STX12: variants seen among roughly 807,000 people sequenced by gnomAD.
STX12 encodes the protein syntaxin 12, also known as syntaxin-12.
STX12 carries 17 observed loss-of-function variants against 42.2 expected under a neutral mutation model. The observed-to-expected ratio is 0.40, with a 90% CI of 0.28 to 0.60. STX12 has a LOEUF of 0.60. Among genes scored for constraint, STX12 ranks in the 20% least tolerant of loss-of-function variants. The pLI, the probability that STX12 is intolerant of heterozygous loss-of-function variation, is 0.39. For synonymous variants in STX12, 108 were observed against 116.7 expected (o/e 0.93, Z 0.48); for missense variants, 297 against 330.9 (o/e 0.90, Z 0.79).
chr1:27,778,614 T>C (rs2088643245), intron 1 of STX12, among the ~76,000 whole-genome samples: 1 of 149,812 alleles, frequency 6.7e-6, no homozygotes, highest in Non-Finnish European at 1.5e-5. Flanking sequence ...TCGCCTGAAC[T>C]GGGGAGGTGC....
At chr1:27,788,783 G>A (rs757983888) in intron 1 of STX12, among the ~76,000 whole-genome samples, 2 of 152,086 alleles carry the variant, frequency 1.3e-5, no homozygotes, top group African/African-American at 4.8e-5. Flanking sequence ...AGGCCGAGGC[G>A]AGTGGATCAC....
At chr1:27,796,745 C>A (rs545852213) in intron 3 of STX12, among the ~76,000 whole-genome samples, 4 of 151,280 alleles carry the variant, frequency 2.6e-5, no homozygotes, top group Non-Finnish European at 5.9e-5. Flanking sequence ...TCTTGTTGCC[C>A]AGGCTGGACT....
intron 6 of STX12, among the ~76,000 whole-genome samples, chr1:27,814,655 C>T (rs2088928109): frequency 6.6e-6 from 1 of 152,052 alleles, no homozygotes; most frequent in Admixed American, 6.6e-5. Context: ...TCAAGACCAG[C>T]CTGACCAACA....
chr1:27,788,428 T>A (rs954906484), intron 1 of STX12, among the ~76,000 whole-genome samples: 2 of 152,336 alleles, frequency 1.3e-5, no homozygotes, highest in South Asian at 4.1e-4. Flanking sequence ...TATTGATAGA[T>A]GATCAGTTCC....
At chr1:27,779,563 C>T (rs1234042793) in intron 1 of STX12, among the ~76,000 whole-genome samples, 1 of 152,004 alleles carries the variant, frequency 6.6e-6, no homozygotes, top group African/African-American at 2.4e-5. Context: ...AACTCCTGAC[C>T]TCAGATGATC....
chr1:27,791,582 G>A (rs2088741498), intron 2 of STX12, among the ~76,000 whole-genome samples: 1 of 152,198 alleles, frequency 6.6e-6, no homozygotes, highest in Non-Finnish European at 1.5e-5. Context: ...CTGGGAGGCC[G>A]AGGTGGGTGG....
intron 6 of STX12, among the ~76,000 whole-genome samples, chr1:27,814,529 A>G (rs932843648): frequency 1.2e-4 from 18 of 149,328 alleles, no homozygotes; most frequent in African/African-American, 4.6e-4. Flanking sequence ...CTCTGTCTCA[A>G]ATAATAATAA....
At chr1:27,798,061 G>A (rs1035913291) in intron 3 of STX12, among the ~76,000 whole-genome samples, 1 of 152,148 alleles carries the variant, frequency 6.6e-6, no homozygotes, top group East Asian at 1.9e-4. Flanking sequence ...ATAGGTCATT[G>A]TATAGATAAA....
At chr1:27,791,152 T>G (rs934600239) in intron 2 of STX12, among the ~76,000 whole-genome samples, 2 of 151,788 alleles carry the variant, frequency 1.3e-5, no homozygotes, top group Non-Finnish European at 2.9e-5. Context: ...TCCCGGCTAC[T>G]TGGGAGGCTG....
intron 1 of STX12, among the ~76,000 whole-genome samples, chr1:27,783,697 T>A (rs2088682614): frequency 6.6e-6 from 1 of 152,192 alleles, no homozygotes; most frequent in Non-Finnish European, 1.5e-5. Context: ...TCTTTACCTT[T>A]GGCCTAGTCA....
chr1:27,807,489 T>TA (rs1477714836), intron 4 of STX12, among the ~76,000 whole-genome samples: 1 of 152,198 alleles, frequency 6.6e-6, no homozygotes, highest in Non-Finnish European at 1.5e-5. Flanking sequence ...AATTACAGAT[T>TA]AAAATAACAA....
intron 1 of STX12, among the ~76,000 whole-genome samples, chr1:27,788,265 G>A (rs2088712170): frequency 6.6e-6 from 1 of 152,148 alleles, no homozygotes; most frequent in Non-Finnish European, 1.5e-5. Flanking sequence ...CAACCTCTAT[G>A]AATGAATAAA....
At chr1:27,803,636 G>A (rs1307657043) in intron 4 of STX12, among the ~76,000 whole-genome samples, 5 of 152,226 alleles carry the variant, frequency 3.3e-5, no homozygotes, top group African/African-American at 4.8e-5. Context: ...AAGTGGTAAA[G>A]ATGTGAAAAG....
intron 1 of STX12, among the ~76,000 whole-genome samples, chr1:27,780,692 C>G (rs1005022749): frequency 3.3e-5 from 5 of 152,044 alleles, no homozygotes; most frequent in African/African-American, 1.2e-4. Context: ...TGGCTCACAC[C>G]TGTAATCCCA....
chr1:27,813,547 CAG>C (rs1196090353), intron 6 of STX12, among the ~76,000 whole-genome samples: 2 of 152,116 alleles, frequency 1.3e-5, no homozygotes, highest in African/African-American at 4.8e-5. Context: ...TTGCTGGGAT[CAG>C]GGGAGGAGAA....
intron 5 of STX12, 132 bp from the exon 6 acceptor site, chr1:27,812,031 C>T (rs753727070): frequency 2.6e-6 from 2 of 765,164 alleles, no homozygotes. Flanking sequence ...CCCTCCAAGA[C>T]TTTATTGATA....
chr1:27,775,016 A>G (rs1571513313), intron 1 of STX12, among the ~76,000 whole-genome samples: 1 of 152,232 alleles, frequency 6.6e-6, no homozygotes. Flanking sequence ...AGTAAAAAAA[A>G]TTAATATGAC....
In STX12 at chr1:27,799,477, G is replaced by GTTTTTTTTTTT; in HGVS notation, c.289-2200_289-2190dup. 3.0e-3 allele frequency among the ~76,000 whole-genome samples: 387 copies of GTTTTTTTTTTT among 130,646 alleles called. 47 individuals carry two copies. Among genetic ancestry groups the GTTTTTTTTTTT allele is most frequent in the African/African-American group, 0.012 (365 of 31,180 alleles). 85.7% of individuals were successfully genotyped at this position (130,646 alleles called of 152,430 possible). A position where few individuals can be genotyped will look rare whatever the true frequency, so the allele number is the denominator to read the frequency against. On this transcript the variant is annotated intron_variant, in intron 3 of 8. Transcript: ENST00000373943. The stretch of plus-strand genomic sequence containing the variant: ...GGTTGAACCCCAAACTCATTAGCTT[G>GTTTTTTTTTTT]TTTTTTTTTTTGTTTTTTTTTTTGA...
rs1027802800 is a variant in STX12 at position 27,798,619 on chromosome 1, G to A, written c.289-3059G>A. ...GAGATTGTGCCATTGCACTCCAGCC[G>A]GGGTGACAGAGCGAGACTCCCTCTC... On this transcript the variant is annotated intron_variant, in intron 3 of 8. Transcript: ENST00000373943. 5.6e-3 allele frequency among the ~76,000 whole-genome samples: 816 copies of A among 144,854 alleles called. 12 individuals carry two copies. Among genetic ancestry groups the A allele is most frequent in the African/African-American group, 0.02 (744 of 37,904 alleles).
Sources: allele counts gnomAD v4.1 joint callset (sites outside exome capture counted in the v4.1 genomes callset), GRCh38; gene constraint gnomAD v4.1.1; transcripts MANE v1.5; gene names NCBI Gene and HGNC (gene_info 2026-07-23, HGNC 2026-07-21).